The following POLR3A variants were observed in gnomAD, a reference collection of about 807,000 sequenced individuals.
The protein encoded by POLR3A is DNA-directed RNA polymerase III subunit RPC1.
A neutral mutation model predicts 152.8 loss-of-function variants in POLR3A; 112 were observed. That is an observed-to-expected ratio of 0.73 (90% CI 0.63 to 0.86). The LOEUF (loss-of-function observed/expected upper bound fraction) is 0.86, where lower values mean the gene tolerates loss of function less well. POLR3A is among the 40% of genes least tolerant of loss of function. POLR3A has a pLI of 0.00. For missense variants in POLR3A, 1,385 were observed against 1,743.1 expected, an observed-to-expected ratio of 0.79 and a Z score of 3.66; for synonymous variants, 615 against 652.1, an observed-to-expected ratio of 0.94 and a Z score of 0.87.
In POLR3A at chr10:78,029,467, C is replaced by T; in HGVS notation, c.-60G>A. On this transcript the variant is annotated 5_prime_UTR_variant, in exon 1 of 31. Transcript: ENST00000372371. ...GGAGGCCAGATTAGAGAAACGATGC[C>T]CCCAGCACCTCCTGGGGCTGCTTCT... The T allele has an allele frequency of 6.4e-7, 1 of 1,567,100 alleles. No homozygotes were observed.
In POLR3A at chr10:78,024,651, G is replaced by A; in HGVS notation, c.543C>T (p.Thr181=). 6.2e-7 allele frequency: 1 copy of A among 1,613,352 alleles called. No individual in the cohort carries two copies. Among genetic ancestry groups the A allele is most frequent in the Non-Finnish European group, 8.5e-7 (1 of 1,179,484 alleles). ...CAATGGGATCCACCACTTTTTTGTTGGTCTTGTATTTCTCATGAATTATTT... is the reference window on the plus strand; with the variant it reads ...CAATGGGATCCACCACTTTTTTGTTAGTCTTGTATTTCTCATGAATTATTT... ...LLKIIHEKYK[T]NKKVVDPIVS... Residue 181 remains threonine (T), a synonymous_variant, in exon 5 of 31, where the codon ACC becomes ACT. Coordinates refer to ENST00000372371, the MANE Select transcript of POLR3A (RefSeq NM_007055.4).
intron 8 of POLR3A, among the ~76,000 whole-genome samples, chr10:78,020,337 A>G (rs973523282): frequency 1.3e-5 from 2 of 151,964 alleles, no homozygotes; most frequent in Non-Finnish European, 2.9e-5. Context: ...ATTTTTTTAA[A>G]AAATTAGTTA....
At chr10:77,984,399 A>C (rs1240081287) in intron 24 of POLR3A, 101 bp from the exon 25 acceptor site, 2 of 766,382 alleles carry the variant, frequency 2.6e-6, no homozygotes, top group Non-Finnish European at 4.8e-6. Flanking sequence ...TCATAATGTT[A>C]CTAGCAACCC....
Position 78,022,140 on chromosome 10 carries a change from C to T in POLR3A, c.885+5G>A. 1 of 1,614,180 alleles carries T rather than the reference C, an allele frequency of 6.2e-7. No homozygotes were observed. The highest frequency in any genetic ancestry group is 8.5e-7 in the Non-Finnish European group (1 of 1,180,032). On this transcript the variant is annotated splice_donor_5th_base_variant and intron_variant, in intron 6 of 30. Coordinates refer to ENST00000372371, the MANE Select transcript of POLR3A (RefSeq NM_007055.4). Reference sequence around the variant, plus strand: ...GAAACTTACAAGGAAATGGGAGGCACTGACCTTTTTAATAACATCGTTTAG... The same window carrying T: ...GAAACTTACAAGGAAATGGGAGGCATTGACCTTTTTAATAACATCGTTTAG...
At chr10:78,002,926 T>G (rs371488202) in intron 16 of POLR3A, among the ~76,000 whole-genome samples, 1 of 152,220 alleles carries the variant, frequency 6.6e-6, no homozygotes, top group African/African-American at 2.4e-5. Flanking sequence ...TGTATATAAA[T>G]AGCTGTGTGG....
In POLR3A at chr10:77,982,115, C is replaced by G. The variant is rs767467960; in HGVS notation, c.3759+39G>C. On this transcript the variant is annotated intron_variant, in intron 28 of 30. Transcript: ENST00000372371. ...AGGCCTGCAGATGGCACAAGGAAGA[C>G]AGCCTAACCCTAAGGCGACCCCGTG... 3.9e-6 allele frequency: 6 copies of G among 1,547,512 alleles called. No homozygotes were observed. In the South Asian group the frequency reaches 5.6e-5, roughly 14 times the overall value.
At chr10:78,024,931 G>A (rs1352572775) in intron 4 of POLR3A, 40 bp downstream of exon 4, 3 of 1,603,652 alleles carry the variant, frequency 1.9e-6, no homozygotes, top group Non-Finnish European at 2.6e-6. Context: ...GACAGTGAGT[G>A]AAAAGGGCTA....
At chr10:77,992,312 C>A (rs920148766) in intron 20 of POLR3A, among the ~76,000 whole-genome samples, 1 of 151,244 alleles carries the variant, frequency 6.6e-6, no homozygotes, top group Non-Finnish European at 1.5e-5. Context: ...TGGTCTGTCA[C>A]CCAGGCTGGA....
chr10:78,019,241 A>T lies in POLR3A; in HGVS notation c.1210T>A (p.Leu404Met). 1 of 1,613,966 alleles carries T rather than the reference A, an allele frequency of 6.2e-7. No individual in the cohort carries two copies. Among genetic ancestry groups the T allele is most frequent in the South Asian group, 1.1e-5 (1 of 91,082 alleles). The change falls in exon 9 of 31, where the codon TTG (leucine) becomes ATG (methionine). Residue 404 changes from leucine (L) to methionine (M), a missense_variant. Transcript: ENST00000372371. ...EKVNKANINF[L>M]RKLVQNGPEV... ...GGGCCGTTTTGAACCAGTTTCCTCA[A>T]GAAATTGATGTTTGCTTTGTTTACC...
Position 77,975,452 on chromosome 10 carries a change from C to CG in POLR3A, c.*2025_*2026insC, listed in dbSNP as rs1847078042. 1 of 152,232 alleles carries CG rather than the reference C, an allele frequency of 6.6e-6. No homozygotes were observed. Among genetic ancestry groups the CG allele is most frequent in the African/African-American group, 2.4e-5 (1 of 41,406 alleles). 9.4% of individuals were successfully genotyped at this position (152,232 alleles called of 1,614,324 possible). A position where few individuals can be genotyped will look rare whatever the true frequency, so the allele number is the denominator to read the frequency against. ...CACCTCCAGGACGTATGACTTCCCC[C>CG]CCTACCCATGGGTGATGTGATCCTT... On this transcript the variant is annotated 3_prime_UTR_variant, in exon 31 of 31. Transcript: ENST00000372371.
chr10:78,029,301 A>G, intron 1 of POLR3A, 63 bp downstream of exon 1: 1 of 1,543,226 alleles, frequency 6.5e-7, no homozygotes, highest in South Asian at 1.1e-5. Flanking sequence ...AAGACCCGGG[A>G]CCGCTGACCT....
At position 78,025,734 on chromosome 10, in the gene POLR3A, C is replaced by T; in HGVS notation, c.206G>A (p.Cys69Tyr). ...AGCCAAGTTTTTCCCACAGGTTTCA[C>T]ATGGACGATCCTTCTCACTCGTACC... ...RMGTSEKDRP[C>Y]ETCGKNLADC... The change falls in exon 3 of 31, where the codon TGT (cysteine) becomes TAT (tyrosine). Residue 69 changes from cysteine (C) to tyrosine (Y), a missense_variant. By Grantham distance (194) the Cys-to-Tyr change is radical. This residue lies in a region of POLR3A where 493 missense variants were observed against 647.5 expected (regional missense o/e 0.76). Transcript: ENST00000372371. The T allele has an allele frequency of 6.2e-7, 1 of 1,614,142 alleles. No individual in the cohort carries two copies. The highest frequency in any genetic ancestry group is 1.7e-5 in the Admixed American group (1 of 60,028).
intron 24 of POLR3A, 143 bp from the exon 25 acceptor site, chr10:77,984,441 TC>T (rs1301487473): frequency 1.2e-5 from 8 of 684,310 alleles, no homozygotes; most frequent in Non-Finnish European, 2.2e-5. Context: ...CCTCCCAGGT[TC>T]ATGCCATTCT....
intron 8 of POLR3A, among the ~76,000 whole-genome samples, chr10:78,021,124 C>T (rs955069192): frequency 3.3e-5 from 5 of 152,130 alleles, no homozygotes; most frequent in African/African-American, 9.7e-5. Flanking sequence ...GCCACCACTC[C>T]TGGCTAATTT....
Position 78,004,031 on chromosome 10 carries a change from C to T in POLR3A, c.2247+685G>A, listed in dbSNP as rs957436728. ...TGGGCAGATCACGAGGTCAGGAGAT[C>T]GAGACCGTGCTGGCCAACATGGTGA... is the stretch of plus-strand genomic sequence containing the variant. On this transcript the variant is annotated intron_variant, in intron 16 of 30. Transcript: ENST00000372371. Among the ~76,000 whole-genome samples the T allele has an allele frequency of 1.1e-4, 16 of 146,500 alleles. No homozygotes were observed. In the East Asian group the frequency reaches 2.7e-3, roughly 25 times the overall value.
intron 28 of POLR3A, among the ~76,000 whole-genome samples, 176 bp downstream of exon 28, chr10:77,981,978 G>T (rs1479113463): frequency 7.2e-6 from 1 of 139,354 alleles, no homozygotes. Context: ...GGCAGAGCTT[G>T]CAGTGAGCAG....
At chr10:78,005,943 A>G (rs1847406295) in intron 15 of POLR3A, among the ~76,000 whole-genome samples, 1 of 152,252 alleles carries the variant, frequency 6.6e-6, no homozygotes. Context: ...CAGATATTTG[A>G]GGAAAGATTT....
intron 25 of POLR3A, 64 bp downstream of exon 25, chr10:77,984,141 T>C: frequency 7.6e-7 from 1 of 1,312,608 alleles, no homozygotes; most frequent in South Asian, 1.2e-5. Flanking sequence ...GGCAGCTGAT[T>C]TTTACACTTC....
intron 10 of POLR3A, among the ~76,000 whole-genome samples, chr10:78,015,486 C>G (rs1847514148): frequency 6.6e-6 from 1 of 151,932 alleles, no homozygotes; most frequent in Non-Finnish European, 1.5e-5. Flanking sequence ...TGCCACCACA[C>G]CCGGCTAATT....
Sources: allele counts gnomAD v4.1 joint callset (sites outside exome capture counted in the v4.1 genomes callset), GRCh38; gene constraint gnomAD v4.1.1; regional missense constraint gnomAD v4.1.1; transcripts MANE v1.5; gene names NCBI Gene and HGNC (gene_info 2026-07-23, HGNC 2026-07-21).